B4GALNT3: variants seen among roughly 807,000 people sequenced by gnomAD.
B4GALNT3 encodes the protein beta-1,4-N-acetylgalactosaminyltransferase 3.
B4GALNT3 carries 86 observed loss-of-function variants against 120.2 expected under a neutral mutation model. The ratio of observed to expected loss-of-function variants is 0.72; its 90% confidence interval spans 0.60 to 0.86. B4GALNT3 has a LOEUF of 0.86. Among genes scored for constraint, B4GALNT3 ranks in the 40% least tolerant of loss-of-function variants. B4GALNT3 has a pLI of 0.00. For missense variants in B4GALNT3, 1,167 were observed against 1,298.9 expected, an observed-to-expected ratio of 0.90 and a Z score of 1.56; for synonymous variants, 518 against 510.4, an observed-to-expected ratio of 1.01 and a Z score of -0.20.
intron 1 of B4GALNT3, among the ~76,000 whole-genome samples, chr12:475,375 A>G (rs1946174613): frequency 6.6e-6 from 1 of 152,190 alleles, no homozygotes; most frequent in South Asian, 2.1e-4. Flanking sequence ...TGCAGGGGAC[A>G]GATGTTAGGT....
At chr12:508,659 C>T (rs946380710) in intron 1 of B4GALNT3, among the ~76,000 whole-genome samples, 6 of 152,190 alleles carry the variant, frequency 3.9e-5, no homozygotes, top group African/African-American at 1.4e-4. Flanking sequence ...ATGTTCAACA[C>T]TTCACCCATT....
Position 561,693 on chromosome 12 carries a change from T to C in B4GALNT3, c.*242T>C. 2 of 497,272 alleles carry C rather than the reference T, an allele frequency of 4.0e-6. No individual in the cohort carries two copies. The highest frequency in any genetic ancestry group is 7.3e-6 in the Non-Finnish European group (2 of 275,504). The allele number at this position is 497,272 out of a possible 1,614,324, so 30.8% of individuals were successfully genotyped here. ...AGAGAGGCCAGGAGGGACCACTTGC[T>C]CAGTCGAGAACGGGAAGAGCTCCTG... On this transcript the variant is annotated 3_prime_UTR_variant, in exon 20 of 20. Coordinates refer to ENST00000266383, the MANE Select transcript of B4GALNT3 (RefSeq NM_173593.4).
At chr12:462,582 C>G (rs1387171961) in intron 1 of B4GALNT3, among the ~76,000 whole-genome samples, 1 of 151,948 alleles carries the variant, frequency 6.6e-6, no homozygotes, top group African/African-American at 2.4e-5. Flanking sequence ...AAAACTCTTC[C>G]CAGCCTCTAT....
chr12:539,578 A>AT (rs1292399929), intron 3 of B4GALNT3, among the ~76,000 whole-genome samples: 9 of 152,026 alleles, frequency 5.9e-5, no homozygotes, highest in Non-Finnish European at 1.2e-4. Flanking sequence ...TTGAACTGTA[A>AT]TTCACATACC....
chr12:492,154 A>T (rs1215479462), intron 1 of B4GALNT3, among the ~76,000 whole-genome samples: 1 of 152,186 alleles, frequency 6.6e-6, no homozygotes, highest in South Asian at 2.1e-4. Flanking sequence ...AGAAAAGGAA[A>T]AAAAGGTATA....
chr12:544,317 C>G, intron 3 of B4GALNT3, 22 bp from the exon 4 acceptor site: 1 of 1,611,352 alleles, frequency 6.2e-7, no homozygotes, highest in Non-Finnish European at 8.5e-7. Flanking sequence ...GCTCACTCAC[C>G]ACTGGCGTCT....
chr12:529,449 C>T (rs535914113), intron 1 of B4GALNT3, among the ~76,000 whole-genome samples: 5 of 152,176 alleles, frequency 3.3e-5, no homozygotes, highest in African/African-American at 9.7e-5. Context: ...CGTTTCCACA[C>T]GAGCAAGCAG....
Position 472,541 on chromosome 12 carries a change from C to T in B4GALNT3, c.169+11996C>T, listed in dbSNP as rs145818221. Among the ~76,000 whole-genome samples the T allele has an allele frequency of 6.3e-3, 962 of 152,238 alleles. 15 individuals carry two copies. Among genetic ancestry groups the T allele is most frequent in the Admixed American group, 0.035 (539 of 15,292 alleles). On this transcript the variant is annotated intron_variant, in intron 1 of 19. Coordinates refer to ENST00000266383, the MANE Select transcript of B4GALNT3 (RefSeq NM_173593.4). ...CAAGCTCCGCCTCCCGGGTTCACGC[C>T]ATTCTCCTGCCTCAGCCTCCCGAGT...
At chr12:501,517 G>T (rs1287544408) in intron 1 of B4GALNT3, among the ~76,000 whole-genome samples, 1 of 152,104 alleles carries the variant, frequency 6.6e-6, no homozygotes, top group Non-Finnish European at 1.5e-5. Context: ...GGAGTTCGAG[G>T]CTGCAGTGAA....
intron 1 of B4GALNT3, among the ~76,000 whole-genome samples, chr12:507,704 C>T (rs985463857): frequency 1.3e-5 from 2 of 152,214 alleles, no homozygotes; most frequent in Non-Finnish European, 2.9e-5. Context: ...TTCTAGGAGG[C>T]CCTACCAAAG....
chr12:538,819 C>T (rs1433139322), intron 3 of B4GALNT3, among the ~76,000 whole-genome samples: 1 of 152,160 alleles, frequency 6.6e-6, no homozygotes, highest in Non-Finnish European at 1.5e-5. Context: ...GCATCCAGCC[C>T]AGCCTTGCAG....
rs1447103290 is a variant in B4GALNT3 at position 459,975 on chromosome 12, C to G, written c.-402C>G. 1.3e-5 allele frequency among the ~76,000 whole-genome samples: 2 copies of G among 148,674 alleles called. No homozygotes were observed. Among genetic ancestry groups the G allele is most frequent in the South Asian group, 2.2e-4 (1 of 4,624 alleles). On this transcript the variant is annotated 5_prime_UTR_variant, in exon 1 of 20. Coordinates refer to ENST00000266383, the MANE Select transcript of B4GALNT3 (RefSeq NM_173593.4). ...GCAGGAGAGCCCAGAGCCCGGAGCC[C>G]GGTCCGGGGCTGGCGGGGGCGCGGG... is the stretch of plus-strand genomic sequence containing the variant.
chr12:484,990 C>G (rs1283389874), intron 1 of B4GALNT3, among the ~76,000 whole-genome samples: 1 of 152,088 alleles, frequency 6.6e-6, no homozygotes, highest in Non-Finnish European at 1.5e-5. Flanking sequence ...ATTCCAAGAG[C>G]TATGGTGTTC....
chr12:512,058 TCTTCCACCTTCAACCTTCCACCTTCGAC>T (rs1946578845), intron 1 of B4GALNT3, among the ~76,000 whole-genome samples: 2 of 105,936 alleles, frequency 1.9e-5, no homozygotes, highest in Admixed American at 9.7e-5. Context: ...CCTTCGACCT[TCTTCCACCTTCAACCTTCCACCTTCGAC>T]CTTCCACCTT....
intron 1 of B4GALNT3, among the ~76,000 whole-genome samples, chr12:487,642 G>T (rs1051891287): frequency 6.6e-6 from 1 of 151,978 alleles, no homozygotes; most frequent in Non-Finnish European, 1.5e-5. Context: ...GAACCTAGGA[G>T]GCAGAGGTTG....
At chr12:537,165 A>G (rs1946869571) in intron 3 of B4GALNT3, among the ~76,000 whole-genome samples, 1 of 152,254 alleles carries the variant, frequency 6.6e-6, no homozygotes, top group Non-Finnish European at 1.5e-5. Flanking sequence ...GCTGTAACGA[A>G]CATGCACTGG....
intron 1 of B4GALNT3, among the ~76,000 whole-genome samples, chr12:462,871 T>A (rs1350475100): frequency 1.3e-5 from 2 of 152,168 alleles, no homozygotes; most frequent in African/African-American, 2.4e-5. Flanking sequence ...TCCTATAGGT[T>A]TCATTCTCAG....
intron 4 of B4GALNT3, 55 bp from the exon 5 acceptor site, chr12:544,827 G>A: frequency 6.4e-7 from 1 of 1,567,356 alleles, no homozygotes; most frequent in Non-Finnish European, 8.8e-7. Context: ...ATCCTGGCGG[G>A]AAGTTTCCTT....
At chr12:545,690 T>TGTGGGGAGGAGCGAGGA (rs1565608121) in intron 6 of B4GALNT3, among the ~76,000 whole-genome samples, 34 of 86,474 alleles carry the variant, frequency 3.9e-4, no homozygotes, top group African/African-American at 1.4e-3. Context: ...AGGAGCGAGG[T>TGTGGGGAGGAGCGAGGA]GTGGGGAGGA....
Sources: gnomAD v4.1 joint callset for allele counts (sites outside exome capture counted in the v4.1 genomes callset) on GRCh38, gnomAD v4.1.1 for gene constraint, MANE v1.5 for transcripts, NCBI Gene and HGNC (gene_info 2026-07-23, HGNC 2026-07-21) for gene names.